The following ATF7IP variants were observed in gnomAD, a reference collection of about 807,000 sequenced individuals.
The protein encoded by ATF7IP is activating transcription factor 7-interacting protein 1.
ATF7IP carries 23 observed loss-of-function variants against 106.4 expected under a neutral mutation model. The ratio of observed to expected loss-of-function variants is 0.22; its 90% CI spans 0.16 to 0.31. ATF7IP has a LOEUF of 0.31. ATF7IP is among the 10% of genes least tolerant of loss of function. The pLI is 1.00. For missense variants in ATF7IP, 1,334 were observed against 1,524.3 expected (o/e 0.88, Z 2.08); for synonymous variants, 542 against 539.0 (o/e 1.01, Z -0.08).
At chr12:14,491,539 C>T (rs550622478) in intron 13 of ATF7IP, among the ~76,000 whole-genome samples, 23 of 152,290 alleles carry the variant, frequency 1.5e-4, no homozygotes, top group African/African-American at 5.3e-4. Context: ...ATAATGTCAT[C>T]AACGTAATGG....
At chr12:14,446,510 G>A (rs962296778) in intron 5 of ATF7IP, among the ~76,000 whole-genome samples, 1 of 152,204 alleles carries the variant, frequency 6.6e-6, no homozygotes, top group Non-Finnish European at 1.5e-5. Flanking sequence ...TTGTGAAAAA[G>A]TAATATATGA....
At chr12:14,451,302 T>G (rs1459936138) in intron 6 of ATF7IP, among the ~76,000 whole-genome samples, 1 of 152,138 alleles carries the variant, frequency 6.6e-6, no homozygotes, top group African/African-American at 2.4e-5. Context: ...TTAGCCTAGT[T>G]AAGGATTTAT....
At chr12:14,486,936 ATCT>A in intron 13 of ATF7IP, among the ~76,000 whole-genome samples, 1 of 152,266 alleles carries the variant, frequency 6.6e-6, no homozygotes, top group South Asian at 2.1e-4. Context: ...TCAAGGGTAT[ATCT>A]TCTGGACCCT....
At chr12:14,381,913 A>T (rs941599314) in intron 1 of ATF7IP, among the ~76,000 whole-genome samples, 1 of 151,318 alleles carries the variant, frequency 6.6e-6, no homozygotes, top group East Asian at 1.9e-4. Flanking sequence ...CTGGCAAATG[A>T]TTACATTCTC....
At chr12:14,402,669 T>C (rs1177921549) in intron 1 of ATF7IP, among the ~76,000 whole-genome samples, 1 of 150,422 alleles carries the variant, frequency 6.6e-6, no homozygotes, top group Non-Finnish European at 1.5e-5. Context: ...AGTGAAGTGG[T>C]GCGGTGTTGG....
Position 14,424,579 on chromosome 12 carries a change from G to A in ATF7IP, c.664G>A (p.Gly222Ser). ...GEPVPVEPISGDCAADDIASS... is the reference protein window; with the variant it reads ...GEPVPVEPISSDCAADDIASS... ...ACCGGTCCCTGTTGAACCCATTTCTGGTGATTGTGCCGCTGATGATATAGC... is the reference window on the plus strand; with the variant it reads ...ACCGGTCCCTGTTGAACCCATTTCTAGTGATTGTGCCGCTGATGATATAGC... The change falls in exon 2 of 15, where the codon GGT becomes AGT. Residue 222 changes from glycine to serine, a missense_variant. Physicochemically the swap from Gly to Ser is moderately conservative, Grantham distance 56 (BLOSUM62 0). Around this residue, in one of 10 missense-constraint regions of ATF7IP, gnomAD observed 438 missense variants for 405.3 expected, o/e 1.08. Coordinates refer to ENST00000261168, the MANE Select transcript of ATF7IP (RefSeq NM_018179.5). 6.2e-7 allele frequency: 1 copy of A among 1,614,090 alleles called. No homozygotes were observed. Among genetic ancestry groups the A allele is most frequent in the Non-Finnish European group, 8.5e-7 (1 of 1,180,020 alleles).
intron 13 of ATF7IP, among the ~76,000 whole-genome samples, chr12:14,491,367 C>T (rs1944815739): frequency 2.0e-5 from 3 of 152,202 alleles, no homozygotes; most frequent in African/African-American, 7.2e-5. Flanking sequence ...TTCACCTTAA[C>T]AGGAATGTGT....
chr12:14,378,200 C>G (rs977035719), intron 1 of ATF7IP, among the ~76,000 whole-genome samples: 1 of 150,268 alleles, frequency 6.7e-6, no homozygotes, highest in Admixed American at 6.7e-5. Context: ...AGGGTTCAAG[C>G]GATTCTCCTG....
At chr12:14,396,959 G>A (rs1939884623) in intron 1 of ATF7IP, among the ~76,000 whole-genome samples, 1 of 152,078 alleles carries the variant, frequency 6.6e-6, no homozygotes, top group African/African-American at 2.4e-5. Context: ...TCAGGAGTTC[G>A]AGACCAGCCT....
chr12:14,436,037 G>A lies in ATF7IP; in HGVS notation c.1646-69G>A, dbSNP rs1942386458. 1.5e-5 allele frequency: 22 copies of A among 1,473,704 alleles called. 1 individual carries two copies. The South Asian group carries it at 2.5e-4, about 17-fold the overall frequency. 91.3% of individuals were successfully genotyped at this position (1,473,704 alleles called of 1,614,324 possible). On this transcript the variant is annotated intron_variant, in intron 3 of 14. Transcript: ENST00000261168. ...ATGATAGAAATAATATTTTGCTAAG[G>A]ATGGATAATATGCATTAAGAGCTAT...
intron 2 of ATF7IP, among the ~76,000 whole-genome samples, chr12:14,429,146 G>C (rs1236151897): frequency 1.3e-5 from 2 of 152,056 alleles, no homozygotes; most frequent in Non-Finnish European, 2.9e-5. Flanking sequence ...CACTTAATTG[G>C]ATTTTGATTT....
At chr12:14,386,713 TTA>T (rs1305001346) in intron 1 of ATF7IP, among the ~76,000 whole-genome samples, 2 of 152,172 alleles carry the variant, frequency 1.3e-5, no homozygotes, top group Non-Finnish European at 2.9e-5. Context: ...AATTATGCTA[TTA>T]AGATAAACAA....
rs367656414 is a variant in ATF7IP at position 14,497,675 on chromosome 12, C to G, written c.3415C>G (p.Pro1139Ala). The change falls in exon 15 of 15, where the codon CCA (proline) becomes GCA (alanine). Residue 1139 changes from proline (P) to alanine (A), a missense_variant. Around this residue, in one of 10 missense-constraint regions of ATF7IP, gnomAD observed 370 missense variants for 401.2 expected, o/e 0.92. Transcript: ENST00000261168. ...VHTEPPRPVH[P>A]APLPEAPQPQ... ...TCAGGAGCCCCCACGCCCCGTGCAC[C>G]CAGCACCCTTACCAGAAGCTCCACA... The G allele has an allele frequency of 2.5e-6, 4 of 1,613,990 alleles. No individual in the cohort carries two copies. The highest frequency in any genetic ancestry group is 3.4e-6 in the Non-Finnish European group (4 of 1,179,934).
At chr12:14,455,281 A>G (rs1451735684) in intron 6 of ATF7IP, among the ~76,000 whole-genome samples, 1 of 151,350 alleles carries the variant, frequency 6.6e-6, no homozygotes, top group Non-Finnish European at 1.5e-5. Context: ...CGCCTTACAC[A>G]GTTATTTTAA....
Position 14,500,128 on chromosome 12 carries a change from G to C in ATF7IP, c.*2055G>C, listed in dbSNP as rs902133873. ...CTTTACAATATTTGAATTCATATTT[G>C]TACCTTCTCAAAATAGTGATTCATT... On this transcript the variant is annotated 3_prime_UTR_variant, in exon 15 of 15. Transcript: ENST00000261168. The C allele has an allele frequency of 6.6e-5, 10 of 152,188 alleles. No homozygotes were observed. The highest frequency in any genetic ancestry group is 2.4e-4 in the African/African-American group (10 of 41,436). The allele number at this position is 152,188 out of a possible 1,614,324, so 9.4% of individuals were successfully genotyped here.
chr12:14,453,761 G>A (rs1362565233), intron 6 of ATF7IP, among the ~76,000 whole-genome samples: 1 of 151,778 alleles, frequency 6.6e-6, no homozygotes, highest in Non-Finnish European at 1.5e-5. Context: ...AGTGGCTGGG[G>A]TTACAGGTGC....
intron 9 of ATF7IP, among the ~76,000 whole-genome samples, chr12:14,462,672 C>G (rs1943688989): frequency 6.6e-6 from 1 of 151,736 alleles, no homozygotes; most frequent in South Asian, 2.1e-4. Context: ...GGATATATTC[C>G]CCAAATTATC....
intron 5 of ATF7IP, among the ~76,000 whole-genome samples, chr12:14,439,881 ATCCATCCT>A (rs1331952173): frequency 6.6e-6 from 1 of 151,706 alleles, no homozygotes. Context: ...CCATCCATCC[ATCCATCCT>A]AAAACAGTTT....
At chr12:14,382,681 T>G (rs1214931780) in intron 1 of ATF7IP, among the ~76,000 whole-genome samples, 3 of 152,224 alleles carry the variant, frequency 2.0e-5, no homozygotes, top group African/African-American at 7.2e-5. Flanking sequence ...ACAAAAACAC[T>G]GAGAATTTCA....
Sources: gnomAD v4.1 joint callset for allele counts (sites outside exome capture counted in the v4.1 genomes callset) on GRCh38, gnomAD v4.1.1 for gene constraint, gnomAD v4.1.1 regional missense constraint, MANE v1.5 for transcripts, NCBI Gene and HGNC (gene_info 2026-07-23, HGNC 2026-07-21) for gene names.